Variants in ESRRG observed in about 807,000 individuals in gnomAD.
ESRRG encodes the protein estrogen related receptor gamma, also known as estrogen-related receptor gamma.
In ESRRG, 13 loss-of-function variants were observed where a neutral mutation model predicts 44.0. The observed-to-expected ratio is 0.30, with a 90% CI of 0.19 to 0.47. ESRRG has a LOEUF of 0.47. Among genes scored for constraint, ESRRG ranks in the 20% least tolerant of loss-of-function variants. ESRRG has a pLI of 1.00. For missense variants in ESRRG, 395 were observed against 580.6 expected (o/e 0.68, Z 3.29); for synonymous variants, 215 against 214.6 (o/e 1.00, Z -0.02).
intron 2 of ESRRG, among the ~76,000 whole-genome samples, chr1:216,770,022 GAAGTGA>G (rs1374499974): frequency 6.6e-6 from 1 of 152,192 alleles, no homozygotes; most frequent in East Asian, 1.9e-4. Flanking sequence ...GGAAAACTGA[GAAGTGA>G]ATTAGGGTAG....
At chr1:216,617,981 T>C (rs2061648558) in intron 3 of ESRRG, among the ~76,000 whole-genome samples, 4 of 152,168 alleles carry the variant, frequency 2.6e-5, no homozygotes, top group Admixed American at 2.6e-4. Flanking sequence ...TTTACGGTAA[T>C]GCTTCAATAT....
chr1:217,129,215 A>G (rs1321172606), intron 1 of ESRRG, among the ~76,000 whole-genome samples: 1 of 152,256 alleles, frequency 6.6e-6, no homozygotes, highest in Non-Finnish European at 1.5e-5. Flanking sequence ...GAATATACAA[A>G]TGGTCAATAA....
intron 3 of ESRRG, among the ~76,000 whole-genome samples, chr1:216,584,433 T>G (rs1205163552): frequency 6.6e-6 from 1 of 152,026 alleles, no homozygotes; most frequent in African/African-American, 2.4e-5. Context: ...ATTTTTTGTA[T>G]TTTTAGCAGA....
At chr1:216,623,362 T>C (rs2062632042) in intron 3 of ESRRG, among the ~76,000 whole-genome samples, 1 of 152,216 alleles carries the variant, frequency 6.6e-6, no homozygotes, top group South Asian at 2.1e-4. Flanking sequence ...ACAGGGAAGA[T>C]ACTGCTTGCA....
At chr1:217,088,718 A>C (rs1211264130) in intron 1 of ESRRG, among the ~76,000 whole-genome samples, 1 of 151,912 alleles carries the variant, frequency 6.6e-6, no homozygotes, top group Non-Finnish European at 1.5e-5. Flanking sequence ...TAAGATTCTG[A>C]AAGGGGGAGA....
chr1:216,952,830 ACTGTCAG>A (rs2067206524), intron 1 of ESRRG, among the ~76,000 whole-genome samples: 2 of 152,074 alleles, frequency 1.3e-5, no homozygotes, highest in African/African-American at 4.8e-5. Flanking sequence ...GCACTGTTTT[ACTGTCAG>A]CTACTAGCAC....
At chr1:216,719,687 A>T (rs1334446431) in intron 1 of ESRRG, among the ~76,000 whole-genome samples, 1 of 152,006 alleles carries the variant, frequency 6.6e-6, no homozygotes, top group Admixed American at 6.6e-5. Context: ...TAGGGAAAAA[A>T]ACAGAACAAT....
chr1:216,757,659 G>A (rs1354063242), intron 2 of ESRRG, among the ~76,000 whole-genome samples: 3 of 152,034 alleles, frequency 2.0e-5, no homozygotes, highest in South Asian at 2.1e-4. Flanking sequence ...AAAGCTTGAA[G>A]TAGTAAATTT....
At chr1:216,952,783 T>C (rs931077212) in intron 1 of ESRRG, among the ~76,000 whole-genome samples, 10 of 152,150 alleles carry the variant, frequency 6.6e-5, no homozygotes, top group Middle Eastern at 3.2e-3. Flanking sequence ...TTTAAACTTC[T>C]TGCAACATTT....
chr1:216,571,608 C>T (rs1309750056), intron 3 of ESRRG, among the ~76,000 whole-genome samples: 2 of 152,110 alleles, frequency 1.3e-5, no homozygotes, highest in East Asian at 3.9e-4. Flanking sequence ...CTTATGTCCC[C>T]CACATCCCTT....
rs139344349 is a variant in ESRRG at position 217,082,754 on chromosome 1, G to A, written c.-106+6753C>T. Among the ~76,000 whole-genome samples, 396 of 151,342 alleles carry A rather than the reference G, an allele frequency of 2.6e-3. 10 individuals carry two copies. Among genetic ancestry groups the A allele is most frequent in the Admixed American group, 0.022 (340 of 15,168 alleles). On this transcript the variant is annotated intron_variant, in intron 1 of 7. Coordinates refer to the ESRRG transcript ENST00000359162. ...ACTTGGCCAACTACTTCAGAGAATA[G>A]CTTTTTTTCTATCTCCATTTTTCCT...
intron 5 of ESRRG, among the ~76,000 whole-genome samples, chr1:216,521,775 T>C (rs2046151978): frequency 6.6e-6 from 1 of 152,184 alleles, no homozygotes; most frequent in Admixed American, 6.5e-5. Context: ...CCAGCACTTT[T>C]ACGGTTGTCA....
intron 2 of ESRRG, among the ~76,000 whole-genome samples, chr1:216,894,709 A>G (rs886368905): frequency 1.3e-5 from 2 of 152,176 alleles, no homozygotes; most frequent in African/African-American, 4.8e-5. Flanking sequence ...TTGCCAAACC[A>G]GCACATGTTC....
intron 2 of ESRRG, among the ~76,000 whole-genome samples, chr1:216,870,044 A>T (rs1363780392): frequency 6.6e-6 from 1 of 151,990 alleles, no homozygotes; most frequent in East Asian, 1.9e-4. Context: ...TTTTGTAGGT[A>T]GACCATCCTT....
At chr1:216,895,097 C>G (rs1314307973) in intron 2 of ESRRG, among the ~76,000 whole-genome samples, 1 of 152,022 alleles carries the variant, frequency 6.6e-6, no homozygotes, top group Non-Finnish European at 1.5e-5. Context: ...TTCTTTTTCC[C>G]ATCTTTAGAT....
At chr1:216,841,032 C>T (rs575670150) in intron 2 of ESRRG, among the ~76,000 whole-genome samples, 55 of 152,258 alleles carry the variant, frequency 3.6e-4, no homozygotes, top group African/African-American at 1.2e-3. Context: ...GGACAAAGGG[C>T]TGCCACAAAC....
At chr1:217,030,574 A>C (rs2081929835) in intron 1 of ESRRG, among the ~76,000 whole-genome samples, 1 of 152,206 alleles carries the variant, frequency 6.6e-6, no homozygotes, top group Non-Finnish European at 1.5e-5. Context: ...TTACAAAATA[A>C]AGTGTTAGAC....
At chr1:216,794,155 T>G (rs2094409213) in intron 2 of ESRRG, among the ~76,000 whole-genome samples, 1 of 152,098 alleles carries the variant, frequency 6.6e-6, no homozygotes, top group South Asian at 2.1e-4. Flanking sequence ...CATTCATGAT[T>G]ACAAACTAAA....
intron 1 of ESRRG, among the ~76,000 whole-genome samples, chr1:216,965,619 T>C (rs961261278): frequency 1.3e-5 from 2 of 152,018 alleles, no homozygotes; most frequent in Non-Finnish European, 2.9e-5. Flanking sequence ...TCTGACTCCA[T>C]CCTCCCAGTG....
Sources: gnomAD v4.1 joint callset for allele counts (sites outside exome capture counted in the v4.1 genomes callset) on GRCh38, gnomAD v4.1.1 for gene constraint, MANE v1.5 for transcripts, NCBI Gene and HGNC (gene_info 2026-07-23, HGNC 2026-07-21) for gene names.